Variants in AUTS2 observed in about 807,000 individuals in gnomAD.
The protein encoded by AUTS2 is activator of transcription and developmental regulator AUTS2.
Under a neutral mutation model 112.4 loss-of-function variants are expected in AUTS2, and 17 were observed. That is an observed-to-expected ratio of 0.15 (90% CI 0.10 to 0.23). The LOEUF is 0.23. Among genes scored for constraint, AUTS2 ranks in the 10% least tolerant of loss-of-function variants. The probability of loss-of-function intolerance (pLI) is 1.00; values close to 1 mark genes in which losing one functional copy is unlikely to be tolerated. For synonymous variants in AUTS2, 751 were observed against 702.7 expected (o/e 1.07, Z -1.09); for missense variants, 1,510 against 1,701.6 (o/e 0.89, Z 1.98).
At position 69,777,310 on chromosome 7, in the gene AUTS2, C is replaced by CTTAG. The variant is rs149788616; in HGVS notation, c.310-121975_310-121972dup. Among the ~76,000 whole-genome samples the CTTAG allele has an allele frequency of 2.2e-3, 339 of 152,216 alleles. 2 individuals carry two copies. Among genetic ancestry groups the CTTAG allele is most frequent in the Middle Eastern group, 6.8e-3 (2 of 294 alleles). ...GTCACGTTATTTCTAGTCTTAAATA[C>CTTAG]TTAGCTTTTCTAGTTGTGTTAATGG... On this transcript the variant is annotated intron_variant, in intron 1 of 18. Transcript: ENST00000342771.
chr7:70,768,521 G>A (rs1258390365), intron 10 of AUTS2, among the ~76,000 whole-genome samples: 1 of 152,120 alleles, frequency 6.6e-6, no homozygotes, highest in Admixed American at 6.5e-5. Context: ...ATTTGCTCTA[G>A]ACTAAATGTA....
chr7:70,175,932 A>G lies in AUTS2; in HGVS notation c.660+41361A>G, dbSNP rs74966271. On this transcript the variant is annotated intron_variant, in intron 4 of 18. Transcript: ENST00000342771. ...TGGGACTTGCTTTATTGCAATATTC[A>G]TTTTATTGTGGTGGTTTGGAACCAA... Among the ~76,000 whole-genome samples the G allele has an allele frequency of 1.5e-3, 231 of 152,242 alleles. 1 individual carries two copies. The highest frequency in any genetic ancestry group is 4.7e-3 in the African/African-American group (194 of 41,556).
At chr7:70,532,316 C>T (rs192461227) in intron 5 of AUTS2, among the ~76,000 whole-genome samples, 3 of 152,332 alleles carry the variant, frequency 2.0e-5, no homozygotes, top group African/African-American at 4.8e-5. Flanking sequence ...GCCATTACTT[C>T]AACAATCTCT....
intron 1 of AUTS2, among the ~76,000 whole-genome samples, chr7:69,697,406 C>T (rs1797604361): frequency 6.6e-6 from 1 of 152,186 alleles, no homozygotes; most frequent in African/African-American, 2.4e-5. Context: ...ATAAAATGAT[C>T]TCTGCCTTGG....
intron 2 of AUTS2, among the ~76,000 whole-genome samples, chr7:69,974,002 A>G (rs1563007080): frequency 6.6e-6 from 1 of 152,034 alleles, no homozygotes; most frequent in African/African-American, 2.4e-5. Context: ...ATTGGTTTTC[A>G]TTCTTCTTTA....
At chr7:69,781,714 G>A (rs1459257573) in intron 1 of AUTS2, among the ~76,000 whole-genome samples, 1 of 152,190 alleles carries the variant, frequency 6.6e-6, no homozygotes, top group African/African-American at 2.4e-5. Flanking sequence ...TGCAGTGGCT[G>A]ATTTTTGTTT....
At chr7:70,009,832 C>G (rs1449212268) in intron 2 of AUTS2, among the ~76,000 whole-genome samples, 1 of 152,158 alleles carries the variant, frequency 6.6e-6, no homozygotes, top group East Asian at 1.9e-4. Flanking sequence ...TCTGGCTTAG[C>G]TCTAGTGAGA....
At chr7:69,898,069 G>C (rs191433943) in intron 1 of AUTS2, among the ~76,000 whole-genome samples, 2 of 152,224 alleles carry the variant, frequency 1.3e-5, no homozygotes, top group Admixed American at 6.5e-5. Context: ...TAATTGGATT[G>C]TTTGAAATAC....
At chr7:70,717,899 T>C (rs1289220825) in intron 6 of AUTS2, among the ~76,000 whole-genome samples, 1 of 152,214 alleles carries the variant, frequency 6.6e-6, no homozygotes, top group Non-Finnish European at 1.5e-5. Flanking sequence ...AGTGCTCTGT[T>C]ACACCCAGCG....
At chr7:70,546,788 G>GA (rs200434544) in intron 5 of AUTS2, among the ~76,000 whole-genome samples, 25,031 of 142,018 alleles carry the variant, frequency 0.18, 2,116 homozygotes, top group Middle Eastern at 0.24. Context: ...CAAAAAAAAA[G>GA]AAAAAAAAAA....
intron 4 of AUTS2, among the ~76,000 whole-genome samples, chr7:70,257,748 A>G (rs1007176125): frequency 6.6e-6 from 1 of 151,812 alleles, no homozygotes; most frequent in African/African-American, 2.4e-5. Flanking sequence ...GTGAGCCATC[A>G]TGCCCAGCCT....
chr7:70,723,068 C>A (rs534607447), intron 6 of AUTS2, among the ~76,000 whole-genome samples: 1 of 152,066 alleles, frequency 6.6e-6, no homozygotes, highest in African/African-American at 2.4e-5. Context: ...AGTGACGAGT[C>A]GGGGATAGGA....
chr7:70,641,674 G>T (rs561757260), intron 5 of AUTS2, among the ~76,000 whole-genome samples: 1 of 152,146 alleles, frequency 6.6e-6, no homozygotes, highest in Non-Finnish European at 1.5e-5. Context: ...ATGGGAGGCC[G>T]CCCTTAGTTT....
rs1798433017 is a variant in AUTS2 at position 69,713,460 on chromosome 7, G to A, written c.309+113498G>A. On this transcript the variant is annotated intron_variant, in intron 1 of 18. Transcript: ENST00000342771. ...AGTAACTACTATTCTGCTTTCAAGA[G>A]TTTTTTTTTTTTTTTTTGAGAGGGA... Among the ~76,000 whole-genome samples, 3 of 135,786 alleles carry A rather than the reference G, an allele frequency of 2.2e-5. 1 individual carries two copies. The South Asian group carries it at 7.1e-4, about 32-fold the overall frequency. 89.1% of individuals were successfully genotyped at this position (135,786 alleles called of 152,430 possible).
In AUTS2 at chr7:70,072,216, C is replaced by G. The variant is rs534859052; in HGVS notation, c.523-45916C>G. On this transcript the variant is annotated intron_variant, in intron 2 of 18. Coordinates refer to ENST00000342771, the MANE Select transcript of AUTS2 (RefSeq NM_015570.4). The stretch of plus-strand genomic sequence containing the variant: ...GCCAGCCCCTCCTTTCTTATTATAG[C>G]TGATCATGGCAGTATTGTTTTTTTC... Among the ~76,000 whole-genome samples the G allele has an allele frequency of 1.4e-4, 21 of 152,200 alleles. No homozygotes were observed. The East Asian group carries it at 3.5e-3, about 25-fold the overall frequency.
At chr7:69,735,271 T>C (rs760688452) in intron 1 of AUTS2, among the ~76,000 whole-genome samples, 5 of 152,184 alleles carry the variant, frequency 3.3e-5, no homozygotes, top group African/African-American at 4.8e-5. Context: ...TTGTGAGTGA[T>C]GAAACTGGGG....
intron 4 of AUTS2, among the ~76,000 whole-genome samples, chr7:70,325,247 A>G (rs973928920): frequency 1.3e-5 from 2 of 152,064 alleles, no homozygotes; most frequent in Non-Finnish European, 2.9e-5. Context: ...TCGCTTGAGA[A>G]CAGGAGTTTG....
At chr7:70,286,043 A>C (rs1016482181) in intron 4 of AUTS2, among the ~76,000 whole-genome samples, 3 of 152,276 alleles carry the variant, frequency 2.0e-5, no homozygotes, top group Non-Finnish European at 4.4e-5. Context: ...TAGAGGTGGG[A>C]GTGATAAGTC....
chr7:70,287,109 G>A (rs374071858), intron 4 of AUTS2, among the ~76,000 whole-genome samples: 3 of 152,084 alleles, frequency 2.0e-5, no homozygotes, highest in Admixed American at 1.3e-4. Flanking sequence ...TCTACTTTTT[G>A]TCTCAGTTCT....
Sources: gnomAD v4.1 joint callset for allele counts (sites outside exome capture counted in the v4.1 genomes callset) on GRCh38, gnomAD v4.1.1 for gene constraint, MANE v1.5 for transcripts, NCBI Gene and HGNC (gene_info 2026-07-23, HGNC 2026-07-21) for gene names.